Variants in RFFL observed in about 807,000 individuals in gnomAD.
RFFL encodes the protein ring finger and FYVE like domain containing E3 ubiquitin protein ligase, also known as E3 ubiquitin-protein ligase rififylin.
Under a neutral mutation model 40.4 loss-of-function variants are expected in RFFL, and 16 were observed. That is an observed-to-expected ratio of 0.40 (90% CI 0.27 to 0.60). RFFL has a LOEUF of 0.60. Ranked by LOEUF, RFFL falls within the 20% of genes least tolerant of loss-of-function variation. The probability of loss-of-function intolerance (pLI) is 0.47; values close to 1 mark genes in which losing one functional copy is unlikely to be tolerated. For missense variants in RFFL, 367 were observed against 451.7 expected (o/e 0.81, Z 1.70); for synonymous variants, 154 against 167.9 (o/e 0.92, Z 0.64).
At chr17:35,070,937 C>A (rs571926076) in intron 1 of RFFL, among the ~76,000 whole-genome samples, 18 of 152,324 alleles carry the variant, frequency 1.2e-4, no homozygotes, top group African/African-American at 2.9e-4. Flanking sequence ...TGGCCCATGC[C>A]TGTATTTGCA....
rs1196656274 is a variant in RFFL at position 35,008,959 on chromosome 17, G to GTCTC, written c.*3005_*3008dup. On this transcript the variant is annotated 3_prime_UTR_variant, in exon 7 of 7. Coordinates refer to ENST00000394597, the MANE Select transcript of RFFL (RefSeq NM_001017368.2). ...GTTTGTTTTTTTAAGTAGAGACAAG[G>GTCTC]TCTCACTACATTGCCCAGGTTGGTC... The GTCTC allele has an allele frequency of 6.6e-6, 1 of 152,202 alleles. No individual in the cohort carries two copies. The highest frequency in any genetic ancestry group is 2.4e-5 in the African/African-American group (1 of 41,416). 9.4% of individuals were successfully genotyped at this position (152,202 alleles called of 1,614,324 possible).
At chr17:35,076,936 G>A (rs12938871) in intron 1 of RFFL, 4,516 of 285,260 alleles carry the variant, frequency 0.016, 193 homozygotes, top group African/African-American at 0.087. Context: ...CAGCAAATTC[G>A]GGCATGGATT....
intron 3 of RFFL, among the ~76,000 whole-genome samples, chr17:35,020,033 T>A (rs1286076854): frequency 6.6e-6 from 1 of 152,226 alleles, no homozygotes; most frequent in African/African-American, 2.4e-5. Flanking sequence ...ACTAGCACTA[T>A]ACCAGCTCTA....
intron 1 of RFFL, among the ~76,000 whole-genome samples, chr17:35,074,683 G>C (rs536598696): frequency 1.3e-5 from 2 of 152,282 alleles, no homozygotes; most frequent in South Asian, 2.1e-4. Context: ...TGTTAATACA[G>C]CAAAGTCCCT....
chr17:35,038,966 T>C (rs2142342595), intron 1 of RFFL, among the ~76,000 whole-genome samples: 1 of 152,334 alleles, frequency 6.6e-6, no homozygotes, highest in Admixed American at 6.5e-5. Context: ...TGGAGTGCAG[T>C]GTTGCGACCA....
chr17:35,041,524 C>T (rs867108538), intron 1 of RFFL, among the ~76,000 whole-genome samples: 4 of 151,746 alleles, frequency 2.6e-5, no homozygotes, highest in South Asian at 2.1e-4. Flanking sequence ...CAATTCATGC[C>T]GTGCTACTTT....
At chr17:35,020,330 TG>T (rs2142320651) in intron 3 of RFFL, among the ~76,000 whole-genome samples, 1 of 151,600 alleles carries the variant, frequency 6.6e-6, no homozygotes, top group East Asian at 1.9e-4. Context: ...CAGCAGGAGG[TG>T]AGTGGCTGGC....
In RFFL at chr17:35,053,832, A is replaced by C. The variant is rs892811947; in HGVS notation, c.-9+9744T>G. On this transcript the variant is annotated intron_variant, in intron 1 of 6. Coordinates refer to ENST00000394597, the MANE Select transcript of RFFL (RefSeq NM_001017368.2). ...TTGATTGCCAGATCTCTTGATATTG[A>C]AAAGCAATTATCCTAACAAATTCCA... is the stretch of plus-strand genomic sequence containing the variant. Among the ~76,000 whole-genome samples the C allele has an allele frequency of 3.3e-5, 5 of 152,346 alleles. No individual in the cohort carries two copies. The East Asian group carries it at 7.7e-4, about 24-fold the overall frequency.
chr17:35,043,719 C>T (rs775890212), intron 1 of RFFL, among the ~76,000 whole-genome samples: 40 of 152,126 alleles, frequency 2.6e-4, no homozygotes, highest in African/African-American at 3.9e-4. Flanking sequence ...AAAAACATTA[C>T]AAAACACCTA....
At position 35,059,050 on chromosome 17, in the gene RFFL, G is replaced by A. The variant is rs143257888; in HGVS notation, c.-9+4526C>T. Among the ~76,000 whole-genome samples, 455 of 133,046 alleles carry A rather than the reference G, an allele frequency of 3.4e-3. 4 individuals carry two copies. The highest frequency in any genetic ancestry group is 0.013 in the African/African-American group (432 of 34,550). The allele number at this position is 133,046 out of a possible 152,430, so 87.3% of individuals were successfully genotyped here. On this transcript the variant is annotated intron_variant, in intron 1 of 6. Coordinates refer to ENST00000394597, the MANE Select transcript of RFFL (RefSeq NM_001017368.2). ...TTTTTTTTTTTTTTGAGACGGTCTC[G>A]CTCTGTCACCCAGGTTGGAGTGCAA...
At chr17:35,079,205 T>G (rs1396628853) in intron 1 of RFFL, among the ~76,000 whole-genome samples, 2 of 152,136 alleles carry the variant, frequency 1.3e-5, no homozygotes, top group Non-Finnish European at 2.9e-5. Flanking sequence ...GTATTTTTAG[T>G]AGAGACGAGG....
intron 1 of RFFL, among the ~76,000 whole-genome samples, chr17:35,075,336 A>G (rs552298806): frequency 1.3e-5 from 2 of 152,350 alleles, no homozygotes; most frequent in South Asian, 4.1e-4. Context: ...AGACACATGC[A>G]ATACCTTTTT....
rs2091019592 is a variant in RFFL at position 35,023,059 on chromosome 17, TC to T, written c.181-1279del. Among the ~76,000 whole-genome samples, 5 of 152,168 alleles carry T rather than the reference TC, an allele frequency of 3.3e-5. No homozygotes were observed. The South Asian group carries it at 1.0e-3, about 32-fold the overall frequency. On this transcript the variant is annotated intron_variant, in intron 2 of 6. Transcript: ENST00000394597. The stretch of plus-strand genomic sequence containing the variant: ...CTGTTCTGGCCAAGAGCATGTCACA[TC>T]CCCAACAAGAGAGGTAATTCCTGAG...
At chr17:35,066,534 A>C (rs1440437454), upstream of RFFL, among the ~76,000 whole-genome samples, 2 of 152,118 alleles carry the variant, frequency 1.3e-5, no homozygotes, top group Non-Finnish European at 2.9e-5. Flanking sequence ...AAAATCATGA[A>C]TTTTTTTACA....
At chr17:35,028,332 G>A (rs1482638457) in intron 1 of RFFL, among the ~76,000 whole-genome samples, 2 of 151,466 alleles carry the variant, frequency 1.3e-5, no homozygotes, top group Non-Finnish European at 2.9e-5. Flanking sequence ...GACAAAGTGA[G>A]ACCTTGTCTC....
Position 35,081,930 on chromosome 17 carries a change from A to G in RFFL, c.-9+7175T>C, listed in dbSNP as rs114874310. ...AGAATATAAATGATTCCCAATCAAT[A>G]TGAAAGAAATTAGTCTGTTTAGGTA... On this transcript the variant is annotated intron_variant, in intron 1 of 6. Coordinates refer to the RFFL transcript ENST00000315249. Among the ~76,000 whole-genome samples, 629 of 152,354 alleles carry G rather than the reference A, an allele frequency of 4.1e-3. 5 individuals carry two copies. The highest frequency in any genetic ancestry group is 0.014 in the African/African-American group (601 of 41,594).
intron 3 of RFFL, 46 bp downstream of exon 3, chr17:35,021,325 C>A: frequency 6.7e-7 from 1 of 1,493,212 alleles, no homozygotes; most frequent in Non-Finnish European, 8.9e-7. Context: ...TGAAAATGAG[C>A]CCTCAAACTG....
At chr17:35,028,409 G>A (rs1204672918) in intron 1 of RFFL, among the ~76,000 whole-genome samples, 1 of 151,816 alleles carries the variant, frequency 6.6e-6, no homozygotes, top group Non-Finnish European at 1.5e-5. Flanking sequence ...TGGGGACAAA[G>A]GGCTGATGAT....
At chr17:35,062,742 G>A (rs1361291137) in intron 1 of RFFL, among the ~76,000 whole-genome samples, 1 of 152,130 alleles carries the variant, frequency 6.6e-6, no homozygotes, top group African/African-American at 2.4e-5. Flanking sequence ...GGAATTATAA[G>A]GAGCAGAAAC....
Sources: allele counts gnomAD v4.1 joint callset (sites outside exome capture counted in the v4.1 genomes callset), GRCh38; gene constraint gnomAD v4.1.1; transcripts MANE v1.5; gene names NCBI Gene and HGNC (gene_info 2026-07-23, HGNC 2026-07-21).